CREB5: variants seen among roughly 807,000 people sequenced by gnomAD.
CREB5 encodes cyclic AMP-responsive element-binding protein 5.
CREB5 carries 19 observed loss-of-function variants against 57.1 expected under a neutral mutation model. That is an observed-to-expected ratio of 0.33 (90% CI 0.23 to 0.49). The LOEUF (loss-of-function observed/expected upper bound fraction) is 0.49, where lower values mean the gene tolerates loss of function less well. Among genes scored for constraint, CREB5 ranks in the 20% least tolerant of loss-of-function variants. The probability of loss-of-function intolerance (pLI) is 0.99; values close to 1 mark genes in which losing one functional copy is unlikely to be tolerated. For synonymous variants in CREB5, 238 were observed against 238.3 expected (o/e 1.00, Z 0.01); for missense variants, 579 against 671.6 (o/e 0.86, Z 1.52).
At chr7:28,624,072 CAGGTATTCAACCTAAACCAGATAGTCTGA>C (rs1176191645) in intron 5 of CREB5, among the ~76,000 whole-genome samples, 2 of 152,182 alleles carry the variant, frequency 1.3e-5, no homozygotes, top group Non-Finnish European at 2.9e-5. Context: ...CTGCCCTCTA[CAGGTATTCAACCTAAACCAGATAGTCTGA>C]AGCCGTTACA....
At chr7:28,603,469 G>A (rs925141062) in intron 5 of CREB5, among the ~76,000 whole-genome samples, 8 of 152,064 alleles carry the variant, frequency 5.3e-5, no homozygotes, top group South Asian at 2.1e-4. Flanking sequence ...GTTCCATGTC[G>A]TACCAGCTCC....
intron 1 of CREB5, among the ~76,000 whole-genome samples, chr7:28,439,425 T>C (rs1006902134): frequency 2.0e-5 from 3 of 152,230 alleles, no homozygotes; most frequent in Non-Finnish European, 4.4e-5. Context: ...TTCTGCTAAC[T>C]GGAATATTCT....
At chr7:28,529,476 C>A (rs150608) in intron 4 of CREB5, among the ~76,000 whole-genome samples, 130,938 of 152,198 alleles carry the variant, frequency 0.86, 56,636 homozygotes, top group African/African-American at 0.94. Context: ...TCATCTTGTG[C>A]CTTCTCCCCA....
intron 7 of CREB5, among the ~76,000 whole-genome samples, chr7:28,744,329 CT>C (rs1804568378): frequency 7.1e-6 from 1 of 141,804 alleles, no homozygotes; most frequent in South Asian, 2.3e-4. Context: ...CTCATTTTAC[CT>C]TTAGTACCTC....
At chr7:28,397,630 C>A (rs1382680654) in intron 1 of CREB5, among the ~76,000 whole-genome samples, 1 of 152,170 alleles carries the variant, frequency 6.6e-6, no homozygotes, top group African/African-American at 2.4e-5. Flanking sequence ...ATAAGCAAAA[C>A]TGAAATTGGT....
At chr7:28,431,078 G>C (rs933800938) in intron 1 of CREB5, among the ~76,000 whole-genome samples, 1 of 152,184 alleles carries the variant, frequency 6.6e-6, no homozygotes, top group African/African-American at 2.4e-5. Context: ...ATGACAGCTG[G>C]CTTCCCCAGG....
At chr7:28,360,028 C>T (rs938591786) in intron 1 of CREB5, among the ~76,000 whole-genome samples, 1 of 152,208 alleles carries the variant, frequency 6.6e-6, no homozygotes, top group African/African-American at 2.4e-5. Context: ...CATGAGGTAT[C>T]ATCTCATACC....
At chr7:28,401,793 T>C (rs1787469686) in intron 1 of CREB5, among the ~76,000 whole-genome samples, 1 of 152,256 alleles carries the variant, frequency 6.6e-6, no homozygotes. Context: ...TGCCACATTT[T>C]GTTAATCCAG....
chr7:28,427,475 T>C (rs965011956), intron 1 of CREB5, among the ~76,000 whole-genome samples: 2 of 152,312 alleles, frequency 1.3e-5, no homozygotes, highest in East Asian at 3.9e-4. Context: ...TCTGACGACA[T>C]TAATCTCCTT....
intron 5 of CREB5, among the ~76,000 whole-genome samples, chr7:28,635,527 A>G (rs552191131): frequency 6.6e-6 from 1 of 152,308 alleles, no homozygotes; most frequent in African/African-American, 2.4e-5. Flanking sequence ...GATCATCATG[A>G]GAAGGTTTAC....
intron 1 of CREB5, among the ~76,000 whole-genome samples, chr7:28,374,453 G>T (rs1786781824): frequency 6.6e-6 from 1 of 152,126 alleles, no homozygotes; most frequent in Non-Finnish European, 1.5e-5. Flanking sequence ...TTATTAACAA[G>T]TAAGTGGATA....
In CREB5 at chr7:28,823,067, T is replaced by C. The variant is rs1453538221; in HGVS notation, c.*3788T>C. On this transcript the variant is annotated 3_prime_UTR_variant, in exon 11 of 11. Transcript: ENST00000357727. ...TCGACGGTGAATGTTCTGGTGGTTG[T>C]TGCCTGTTAAGTAAACTTTAGTGTG... The C allele has an allele frequency of 6.6e-6, 1 of 152,636 alleles. No individual in the cohort carries two copies. Among genetic ancestry groups the C allele is most frequent in the Non-Finnish European group, 1.5e-5 (1 of 68,040 alleles). The allele number at this position is 152,636 out of a possible 1,614,324, so 9.5% of individuals were successfully genotyped here. A position where few individuals can be genotyped will look rare whatever the true frequency, so the allele number is the denominator to read the frequency against.
chr7:28,478,997 G>A (rs1362008206), intron 1 of CREB5, among the ~76,000 whole-genome samples: 1 of 152,178 alleles, frequency 6.6e-6, no homozygotes, highest in Non-Finnish European at 1.5e-5. Flanking sequence ...ATCTGGCCTT[G>A]TCATAAGCTT....
At chr7:28,693,949 G>A (rs892040502) in intron 5 of CREB5, among the ~76,000 whole-genome samples, 1 of 152,200 alleles carries the variant, frequency 6.6e-6, no homozygotes, top group East Asian at 1.9e-4. Flanking sequence ...ATGAGTGGGT[G>A]GAGAGGTGAA....
chr7:28,445,846 C>T (rs974507991), intron 1 of CREB5, among the ~76,000 whole-genome samples: 31 of 152,164 alleles, frequency 2.0e-4, no homozygotes, highest in Non-Finnish European at 3.4e-4. Flanking sequence ...CCACTGCGCC[C>T]GGCCTATTCT....
chr7:28,593,205 G>A (rs769665516), intron 5 of CREB5, among the ~76,000 whole-genome samples: 9 of 150,416 alleles, frequency 6.0e-5, no homozygotes, highest in East Asian at 4.0e-4. Flanking sequence ...AATTTGTGTC[G>A]GTTGAATCAA....
chr7:28,817,720 C>T (rs899698417), intron 9 of CREB5, among the ~76,000 whole-genome samples: 2 of 152,158 alleles, frequency 1.3e-5, no homozygotes, highest in African/African-American at 4.8e-5. Flanking sequence ...CATCTTATAA[C>T]GAGGTTGCTG....
At chr7:28,563,477 A>G (rs887298652) in intron 4 of CREB5, among the ~76,000 whole-genome samples, 1 of 152,120 alleles carries the variant, frequency 6.6e-6, no homozygotes, top group Non-Finnish European at 1.5e-5. Context: ...ATACTATGGT[A>G]CCTCTTGGAA....
chr7:28,346,104 A>T (rs576239101), intron 1 of CREB5, among the ~76,000 whole-genome samples: 11 of 152,268 alleles, frequency 7.2e-5, no homozygotes, highest in South Asian at 4.1e-4. Context: ...CATATTTGGG[A>T]ATGCTCTTGT....
Sources: allele counts gnomAD v4.1 joint callset (sites outside exome capture counted in the v4.1 genomes callset), GRCh38; gene constraint gnomAD v4.1.1; transcripts MANE v1.5; gene names NCBI Gene and HGNC (gene_info 2026-07-23, HGNC 2026-07-21).